Variants in NHSL1 observed in about 807,000 individuals in gnomAD.
NHSL1 encodes the protein NHS-like protein 1.
In NHSL1, 48 loss-of-function variants were observed where a neutral mutation model predicts 95.0. The ratio of observed to expected loss-of-function variants is 0.51; its 90% CI spans 0.40 to 0.64. The LOEUF is 0.64. Among genes scored for constraint, NHSL1 ranks in the 30% least tolerant of loss-of-function variants. The probability of loss-of-function intolerance (pLI) is 0.00; values close to 1 mark genes in which losing one functional copy is unlikely to be tolerated. For missense variants in NHSL1, 1,971 were observed against 2,077.7 expected (o/e 0.95, Z 1.00); for synonymous variants, 783 against 833.9 (o/e 0.94, Z 1.05).
intron 3 of NHSL1, among the ~76,000 whole-genome samples, chr6:138,469,278 C>G (rs1335542240): frequency 1.3e-5 from 2 of 152,210 alleles, no homozygotes; most frequent in East Asian, 3.8e-4. Context: ...ATGAAACCCT[C>G]ACTTCAACCT....
At chr6:138,488,905 A>C (rs1183040533) in intron 2 of NHSL1, among the ~76,000 whole-genome samples, 1 of 152,192 alleles carries the variant, frequency 6.6e-6, no homozygotes, top group Admixed American at 6.5e-5. Context: ...TGCTTTGCTT[A>C]TCTACAAAAT....
At position 138,650,688 on chromosome 6, in the gene NHSL1, T is replaced by C. The variant is rs148162787; in HGVS notation, c.96+41788A>G. ...GACCATCCAGCACATTGAGATGACA[T>C]GCAGGGGGTGGGTCAACATGCGGGA... On this transcript the variant is annotated intron_variant, in intron 1 of 3. Coordinates refer to the NHSL1 transcript ENST00000491526. The C allele has an allele frequency of 9.7e-4, 539 of 554,694 alleles. 2 individuals are homozygous for C. Among genetic ancestry groups the C allele is most frequent in the African/African-American group, 8.6e-3 (457 of 52,864 alleles). 34.4% of individuals were successfully genotyped at this position (554,694 alleles called of 1,614,324 possible). A position where few individuals can be genotyped will look rare whatever the true frequency, so the allele number is the denominator to read the frequency against.
intron 1 of NHSL1, among the ~76,000 whole-genome samples, chr6:138,541,353 C>A (rs765403026): frequency 6.6e-6 from 1 of 151,970 alleles, no homozygotes; most frequent in Non-Finnish European, 1.5e-5. Context: ...GGCAACAGAG[C>A]GAGACTCTGT....
chr6:138,679,272 T>C (rs887003462), intron 1 of NHSL1, among the ~76,000 whole-genome samples: 2 of 152,060 alleles, frequency 1.3e-5, no homozygotes, highest in African/African-American at 2.4e-5. Context: ...AAACTCCACA[T>C]GCTTTTTAAG....
At chr6:138,585,395 C>T (rs1583434866) in intron 1 of NHSL1, among the ~76,000 whole-genome samples, 1 of 152,158 alleles carries the variant, frequency 6.6e-6, no homozygotes, top group Non-Finnish European at 1.5e-5. Context: ...ACTTGTGAGG[C>T]ATATTTTTCT....
At chr6:138,519,103 C>T (rs1193816413) in intron 1 of NHSL1, among the ~76,000 whole-genome samples, 1 of 151,994 alleles carries the variant, frequency 6.6e-6, no homozygotes, top group Non-Finnish European at 1.5e-5. Context: ...CACTCCACAG[C>T]TAACCATCTA....
At chr6:138,459,975 T>C (rs758160616) in intron 3 of NHSL1, among the ~76,000 whole-genome samples, 2 of 152,224 alleles carry the variant, frequency 1.3e-5, no homozygotes, top group African/African-American at 2.4e-5. Context: ...ATTTATGATC[T>C]CTAATGCCAA....
chr6:138,659,046 CTTTT>C (rs771033274), intron 1 of NHSL1, among the ~76,000 whole-genome samples: 3 of 117,816 alleles, frequency 2.5e-5, no homozygotes. Context: ...TGTGGACTAT[CTTTT>C]TTTTTTTTTT....
chr6:138,670,497 T>C (rs1247733879), intron 1 of NHSL1, among the ~76,000 whole-genome samples: 1 of 150,094 alleles, frequency 6.7e-6, no homozygotes, highest in African/African-American at 2.4e-5. Context: ...AAACCCCGTC[T>C]CTACTAAAAA....
At chr6:138,534,277 T>A (rs1273316323) in intron 1 of NHSL1, among the ~76,000 whole-genome samples, 1 of 152,188 alleles carries the variant, frequency 6.6e-6, no homozygotes, top group Non-Finnish European at 1.5e-5. Flanking sequence ...TTCTTCTGGA[T>A]CAAGTTAATG....
chr6:138,545,750 C>A, upstream of NHSL1: 1 of 1,225,554 alleles, frequency 8.2e-7, no homozygotes, highest in Non-Finnish European at 1.0e-6. Context: ...GAGAGCGGGG[C>A]GGCCAGCCAG....
intron 1 of NHSL1, among the ~76,000 whole-genome samples, chr6:138,497,426 T>C (rs1036310376): frequency 1.3e-5 from 2 of 152,170 alleles, no homozygotes; most frequent in Non-Finnish European, 2.9e-5. Flanking sequence ...GAGCAAGTCT[T>C]CCTGACTCTG....
intron 1 of NHSL1, among the ~76,000 whole-genome samples, chr6:138,570,655 T>A (rs142467826): frequency 6.6e-6 from 1 of 152,378 alleles, no homozygotes; most frequent in African/African-American, 2.4e-5. Flanking sequence ...GCATTAATGC[T>A]CAGCCTGTGC....
intron 1 of NHSL1, among the ~76,000 whole-genome samples, chr6:138,684,356 A>G (rs1562412573): frequency 6.6e-6 from 1 of 152,178 alleles, no homozygotes; most frequent in African/African-American, 2.4e-5. Flanking sequence ...GTCCAAAAAA[A>G]GGGGGAGGCC....
chr6:138,653,238 T>G lies in NHSL1; in HGVS notation c.96+39238A>C, dbSNP rs114902054. Among the ~76,000 whole-genome samples the G allele has an allele frequency of 2.9e-3, 446 of 152,296 alleles. 3 individuals carry two copies. The highest frequency in any genetic ancestry group is 0.01 in the African/African-American group (424 of 41,566). Reference sequence around the variant, plus strand: ...GGTCTAACTAGGTGACATGTATTTCTAAGCATTTAAGTTCCTCTTAAAAAG... The same window carrying G: ...GGTCTAACTAGGTGACATGTATTTCGAAGCATTTAAGTTCCTCTTAAAAAG... On this transcript the variant is annotated intron_variant, in intron 1 of 3. Coordinates refer to the NHSL1 transcript ENST00000491526.
intron 3 of NHSL1, among the ~76,000 whole-genome samples, chr6:138,448,142 A>G (rs957766753): frequency 2.0e-5 from 3 of 152,206 alleles, no homozygotes; most frequent in African/African-American, 7.2e-5. Flanking sequence ...CCCTTCTTCA[A>G]TACCTTTCTT....
intron 2 of NHSL1, among the ~76,000 whole-genome samples, chr6:138,482,796 T>C (rs1339613808): frequency 6.6e-6 from 1 of 152,136 alleles, no homozygotes; most frequent in Non-Finnish European, 1.5e-5. Flanking sequence ...AACTTGTAGC[T>C]TGTAAAGGGT....
chr6:138,558,647 C>A (rs778808986), intron 1 of NHSL1, among the ~76,000 whole-genome samples: 30 of 152,088 alleles, frequency 2.0e-4, no homozygotes, highest in Non-Finnish European at 3.8e-4. Context: ...TCTTGATCTC[C>A]TGACCTCGTG....
intron 1 of NHSL1, among the ~76,000 whole-genome samples, chr6:138,519,061 C>T (rs4896372): frequency 0.25 from 37,860 of 150,576 alleles, 5,551 homozygotes; most frequent in Middle Eastern, 0.48. Context: ...TACATACATA[C>T]ATACATAATA....
Sources: allele counts gnomAD v4.1 joint callset (sites outside exome capture counted in the v4.1 genomes callset), GRCh38; gene constraint gnomAD v4.1.1; transcripts MANE v1.5; gene names NCBI Gene and HGNC (gene_info 2026-07-23, HGNC 2026-07-21).